The following SNW1 variants were observed in gnomAD, a reference collection of about 807,000 sequenced individuals.
SNW1 encodes SNW domain-containing protein 1.
SNW1 carries 9 observed loss-of-function variants against 75.6 expected under a neutral mutation model. That is an observed-to-expected ratio of 0.12 (90% CI 0.07 to 0.21). SNW1 has a LOEUF of 0.21. SNW1 is among the 10% of genes least tolerant of loss of function. The pLI is 1.00. For missense variants in SNW1, 409 were observed against 670.9 expected (o/e 0.61, Z 4.31); for synonymous variants, 200 against 219.1 (o/e 0.91, Z 0.77).
At chr14:77,722,671 A>G (rs2139893325) in intron 11 of SNW1, among the ~76,000 whole-genome samples, 1 of 152,274 alleles carries the variant, frequency 6.6e-6, no homozygotes, top group Admixed American at 6.5e-5. Flanking sequence ...AATTCCAAAG[A>G]CAGTCAACTA....
chr14:77,727,491 A>G (rs958081477), intron 10 of SNW1, among the ~76,000 whole-genome samples: 25 of 152,056 alleles, frequency 1.6e-4, no homozygotes, highest in African/African-American at 5.8e-4. Context: ...AAGACTTCCA[A>G]TGTTTCTCCA....
At chr14:77,732,920 CA>C (rs2080638748) in intron 8 of SNW1, among the ~76,000 whole-genome samples, 1 of 152,166 alleles carries the variant, frequency 6.6e-6, no homozygotes, top group Non-Finnish European at 1.5e-5. Flanking sequence ...CTTGGCCTCC[CA>C]AAGTGCTGGG....
At position 77,745,435 on chromosome 14, in the gene SNW1, C is replaced by T. The variant is rs116014114; in HGVS notation, c.330+5884G>A. Among the ~76,000 whole-genome samples the T allele has an allele frequency of 6.2e-3, 945 of 152,298 alleles. 11 individuals carry two copies. Among genetic ancestry groups the T allele is most frequent in the African/African-American group, 0.022 (914 of 41,554 alleles). On this transcript the variant is annotated intron_variant, in intron 3 of 13. Coordinates refer to ENST00000261531, the MANE Select transcript of SNW1 (RefSeq NM_012245.3). ...AATGTTTTTTCTTCTTGGCTGGGCA[C>T]GGTGTCTCATGCCTGTAATCCCAGC...
intron 3 of SNW1, among the ~76,000 whole-genome samples, chr14:77,747,783 G>GGGGGGCGCCTCTGCCTGGCCGCCGCCCCA (rs2080774875): frequency 6.6e-6 from 1 of 150,646 alleles, no homozygotes; most frequent in Non-Finnish European, 1.5e-5. Context: ...CAGCCGCCCT[G>GGGGGGCGCCTCTGCCTGGCCGCCGCCCCA]TCCGGGAGGT....
chr14:77,724,563 T>C (rs528996917), intron 10 of SNW1, among the ~76,000 whole-genome samples: 79 of 152,334 alleles, frequency 5.2e-4, no homozygotes, highest in Non-Finnish European at 9.4e-4. Flanking sequence ...TCTGCTTCCT[T>C]GAGACCAACT....
chr14:77,731,024 C>T lies in SNW1; in HGVS notation c.997G>A (p.Glu333Lys). Residue 333 changes from glutamate to lysine, a missense_variant, in exon 10 of 14, where the codon GAG becomes AAG. By Grantham distance (56) the Glu-to-Lys change is moderately conservative (BLOSUM62 1). This residue lies in a region of SNW1 where 37 missense variants were observed against 110.0 expected (regional missense o/e 0.34). Coordinates refer to ENST00000261531, the MANE Select transcript of SNW1 (RefSeq NM_012245.3). ...KLREMAQKAR[E>K]RRAGIKTHVE... Reference sequence around the variant, plus strand: ...TGAGTTTTGATCCCAGCTCTTCTCTCCCTGGCTTTCTGGGCCATTTCTCTA... The same window carrying T: ...TGAGTTTTGATCCCAGCTCTTCTCTTCCTGGCTTTCTGGGCCATTTCTCTA... 6.2e-7 allele frequency: 1 copy of T among 1,614,088 alleles called. No homozygotes were observed. The highest frequency in any genetic ancestry group is 2.2e-5 in the East Asian group (1 of 44,874).
chr14:77,738,878 C>T lies in SNW1; in HGVS notation c.433G>A (p.Glu145Lys). Reference protein sequence around the residue: ...PDEEAIKEITEKTRVALEKSV... With the variant: ...PDEEAIKEITKKTRVALEKSV... ...TTTTCTAAGGCTACTCTTGTCTTTT[C>T]TGTTATCTGAAATAGGAAATATCAC... The change falls in exon 5 of 14, where the codon GAA becomes AAA. Residue 145 changes from glutamate (E) to lysine (K), a missense_variant. Coordinates refer to ENST00000261531, the MANE Select transcript of SNW1 (RefSeq NM_012245.3). 1 of 1,613,886 alleles carries T rather than the reference C, an allele frequency of 6.2e-7. No individual in the cohort carries two copies. The highest frequency in any genetic ancestry group is 8.5e-7 in the Non-Finnish European group (1 of 1,179,770).
At chr14:77,718,663 G>T in intron 12 of SNW1, 133 bp from the exon 13 acceptor site, 3 of 538,162 alleles carry the variant, frequency 5.6e-6, no homozygotes, top group South Asian at 3.5e-5. Context: ...AAATTAAAAA[G>T]TCTTCATTAA....
In SNW1 at chr14:77,723,295, A is replaced by G. The variant is rs780921475; in HGVS notation, c.1034-18T>C. 2 of 1,566,616 alleles carry G rather than the reference A, an allele frequency of 1.3e-6. No individual in the cohort carries two copies. Among genetic ancestry groups the G allele is most frequent in the East Asian group, 2.2e-5 (1 of 44,658 alleles). ...CCCATCCTCTGTGTGAACAGTTGAA[A>G]AGTACTTCACTGTAATATGTATTAT... On this transcript the variant is annotated intron_variant, in intron 10 of 13. Transcript: ENST00000261531.
chr14:77,721,949 T>C (rs189785473), intron 11 of SNW1, among the ~76,000 whole-genome samples: 9 of 152,266 alleles, frequency 5.9e-5, no homozygotes, highest in East Asian at 3.9e-4. Context: ...GGTTTCACCA[T>C]GTTGGCCAGG....
intron 10 of SNW1, among the ~76,000 whole-genome samples, chr14:77,727,497 C>T (rs558136371): frequency 6.6e-6 from 1 of 152,304 alleles, no homozygotes; most frequent in Non-Finnish European, 1.5e-5. Flanking sequence ...TCCAATGTTT[C>T]TCCATTCAGT....
At chr14:77,720,575 A>C (rs753867191) in intron 12 of SNW1, 136 bp downstream of exon 12, 1 of 781,836 alleles carries the variant, frequency 1.3e-6, no homozygotes, top group Non-Finnish European at 2.4e-6. Context: ...TCTTGTCTCA[A>C]GTTTCAACAT....
chr14:77,729,342 T>C (rs1264300737), intron 10 of SNW1, among the ~76,000 whole-genome samples: 1 of 152,178 alleles, frequency 6.6e-6, no homozygotes, highest in South Asian at 2.1e-4. Flanking sequence ...AACTCCTACT[T>C]TTTTTCGTAT....
rs147154490 is a variant in SNW1, at chr14:77,738,846, T to C, written c.465A>G (p.Val155=). ...EKTRVALEKS[V]SQKVAAAMPV... ...GCATGGCTGCGGCGACCTTCTGTGA[T>C]ACAGATTTTTCTAAGGCTACTCTTG... The change falls in exon 5 of 14, where the codon GTA becomes GTG. Residue 155 remains valine, a synonymous_variant. Coordinates refer to ENST00000261531, the MANE Select transcript of SNW1 (RefSeq NM_012245.3). 9.0e-4 allele frequency: 1,457 copies of C among 1,614,212 alleles called. 6 individuals carry two copies. The highest frequency in any genetic ancestry group is 1.1e-3 in the Non-Finnish European group (1,304 of 1,180,028).
intron 1 of SNW1, among the ~76,000 whole-genome samples, chr14:77,757,957 A>T (rs879765464): frequency 0.017 from 1,263 of 75,576 alleles, 7 homozygotes; most frequent in Middle Eastern, 0.037. Flanking sequence ...TATCTATCGC[A>T]ATCAATCAAT....
chr14:77,718,668 C>A, intron 12 of SNW1, 138 bp from the exon 13 acceptor site: 3 of 531,724 alleles, frequency 5.6e-6, no homozygotes, highest in Non-Finnish European at 9.9e-6. Flanking sequence ...AAAAAGTCTT[C>A]ATTAAAAAAC....
At chr14:77,741,673 A>G (rs889271582) in intron 3 of SNW1, among the ~76,000 whole-genome samples, 1 of 152,130 alleles carries the variant, frequency 6.6e-6, no homozygotes, top group African/African-American at 2.4e-5. Context: ...TCTGACCTCA[A>G]AAGTCTTATT....
chr14:77,751,838 A>ACACACAC (rs1555388672), intron 2 of SNW1, among the ~76,000 whole-genome samples: 3,534 of 124,612 alleles, frequency 0.028, 67 homozygotes, highest in Non-Finnish European at 0.043. Flanking sequence ...ACACACACAC[A>ACACACAC]CACACACCAC....
intron 2 of SNW1, among the ~76,000 whole-genome samples, chr14:77,753,331 T>C (rs1178869798): frequency 6.6e-6 from 1 of 152,208 alleles, no homozygotes; most frequent in Admixed American, 6.5e-5. Flanking sequence ...CATTGTGCAA[T>C]GTACTGACAG....
Sources: gnomAD v4.1 joint callset for allele counts (sites outside exome capture counted in the v4.1 genomes callset) on GRCh38, gnomAD v4.1.1 for gene constraint, gnomAD v4.1.1 regional missense constraint, MANE v1.5 for transcripts, NCBI Gene and HGNC (gene_info 2026-07-23, HGNC 2026-07-21) for gene names.